Variants in RGS7BP observed in about 807,000 individuals in gnomAD.
RGS7BP encodes the protein regulator of G protein signaling 7-binding protein.
In RGS7BP, 9 loss-of-function variants were observed where a neutral mutation model predicts 31.3. The observed-to-expected ratio is 0.29, with a 90% confidence interval of 0.17 to 0.50. The LOEUF is 0.50. RGS7BP is among the 20% of genes least tolerant of loss of function. The pLI is 0.98. For missense variants in RGS7BP, 274 were observed against 322.0 expected (o/e 0.85, Z 1.14); for synonymous variants, 115 against 120.1 (o/e 0.96, Z 0.28).
intron 2 of RGS7BP, among the ~76,000 whole-genome samples, chr5:64,553,940 T>C (rs936156372): frequency 1.4e-4 from 22 of 152,196 alleles, no homozygotes; most frequent in African/African-American, 5.1e-4. Flanking sequence ...ATGGCTTCCC[T>C]GAGGGAGTTC....
At chr5:64,572,355 G>C (rs554803135) in intron 2 of RGS7BP, among the ~76,000 whole-genome samples, 1 of 152,152 alleles carries the variant, frequency 6.6e-6, no homozygotes, top group African/African-American at 2.4e-5. Flanking sequence ...TATAACATCA[G>C]ACATATTATA....
chr5:64,512,953 T>C (rs528581950), intron 2 of RGS7BP, among the ~76,000 whole-genome samples: 24 of 152,246 alleles, frequency 1.6e-4, no homozygotes, highest in Non-Finnish European at 2.8e-4. Context: ...ATAGGCTATA[T>C]GTCATTGGAC....
chr5:64,604,913 T>A (rs1743315082), intron 5 of RGS7BP, among the ~76,000 whole-genome samples: 1 of 152,110 alleles, frequency 6.6e-6, no homozygotes, highest in Admixed American at 6.6e-5. Context: ...CTTATTCCTA[T>A]AATCCCAGCA....
rs1743477726 is a variant in RGS7BP, at chr5:64,610,586, A to G, written c.*1334A>G. ...GATGCCGATAAGTGGTTTATCCAAG[A>G]CACATCTTTAGTCCCAACCCTGTTC... On this transcript the variant is annotated 3_prime_UTR_variant, in exon 6 of 6. Transcript: ENST00000334025. The G allele has an allele frequency of 6.6e-6, 1 of 151,980 alleles. No individual in the cohort carries two copies. Among genetic ancestry groups the G allele is most frequent in the Non-Finnish European group, 1.5e-5 (1 of 67,926 alleles). 9.4% of individuals were successfully genotyped at this position (151,980 alleles called of 1,614,324 possible). A position where few individuals can be genotyped will look rare whatever the true frequency, so the allele number is the denominator to read the frequency against.
At chr5:64,584,200 G>A (rs1742681427) in intron 3 of RGS7BP, among the ~76,000 whole-genome samples, 1 of 152,138 alleles carries the variant, frequency 6.6e-6, no homozygotes, top group African/African-American at 2.4e-5. Flanking sequence ...AATGATTAGT[G>A]AGCATATTTC....
intron 2 of RGS7BP, among the ~76,000 whole-genome samples, chr5:64,523,251 C>T (rs1749153127): frequency 6.6e-6 from 1 of 152,138 alleles, no homozygotes; most frequent in Non-Finnish European, 1.5e-5. Context: ...GGGGTGAGCC[C>T]GTGCCCCTGG....
intron 2 of RGS7BP, among the ~76,000 whole-genome samples, chr5:64,522,066 G>A (rs931858893): frequency 6.6e-6 from 1 of 152,170 alleles, no homozygotes; most frequent in Non-Finnish European, 1.5e-5. Context: ...GGCCAGTGTA[G>A]AAAGACCTCC....
chr5:64,534,814 G>T (rs1749463879), intron 2 of RGS7BP, among the ~76,000 whole-genome samples: 1 of 152,206 alleles, frequency 6.6e-6, no homozygotes, highest in Non-Finnish European at 1.5e-5. Flanking sequence ...CTGGCATAGA[G>T]GTGGTATTTA....
chr5:64,535,456 G>C (rs1749480683), intron 2 of RGS7BP, among the ~76,000 whole-genome samples: 2 of 152,100 alleles, frequency 1.3e-5, no homozygotes, highest in South Asian at 4.1e-4. Context: ...CCCCATGCAG[G>C]AATAACTTCT....
At chr5:64,521,419 G>C (rs1749104939) in intron 2 of RGS7BP, among the ~76,000 whole-genome samples, 1 of 152,128 alleles carries the variant, frequency 6.6e-6, no homozygotes, top group Admixed American at 6.5e-5. Context: ...ACCACACCCA[G>C]CTAATTTTTG....
chr5:64,535,010 T>C (rs566274058), intron 2 of RGS7BP, among the ~76,000 whole-genome samples: 3 of 152,166 alleles, frequency 2.0e-5, no homozygotes, highest in East Asian at 3.9e-4. Flanking sequence ...AAAAACTGTC[T>C]CAGATGGAAG....
chr5:64,599,604 GC>G (rs1743168947), intron 5 of RGS7BP, among the ~76,000 whole-genome samples: 2 of 152,362 alleles, frequency 1.3e-5, no homozygotes, highest in South Asian at 4.1e-4. Flanking sequence ...CCCTGAAGGG[GC>G]CTGGTCACAA....
chr5:64,594,347 C>G (rs748788365), intron 3 of RGS7BP, among the ~76,000 whole-genome samples: 13 of 152,072 alleles, frequency 8.5e-5, no homozygotes, highest in Non-Finnish European at 1.6e-4. Flanking sequence ...ATCTAAGCAC[C>G]AAAAGCCAGT....
chr5:64,521,686 C>G (rs1046419578), intron 2 of RGS7BP, among the ~76,000 whole-genome samples: 1 of 152,166 alleles, frequency 6.6e-6, no homozygotes, highest in African/African-American at 2.4e-5. Context: ...ACCATTTTCC[C>G]TTACCCTCGC....
At chr5:64,561,870 C>T (rs1742064468) in intron 2 of RGS7BP, among the ~76,000 whole-genome samples, 1 of 152,096 alleles carries the variant, frequency 6.6e-6, no homozygotes. Context: ...GAGCTATTTC[C>T]GTTCTTGAGC....
intron 2 of RGS7BP, among the ~76,000 whole-genome samples, chr5:64,545,048 C>T (rs1180441101): frequency 6.6e-6 from 1 of 151,576 alleles, no homozygotes; most frequent in Non-Finnish European, 1.5e-5. Flanking sequence ...TGGTGGTGGG[C>T]ACCTGTAGTC....
chr5:64,575,972 T>C (rs1323414071), intron 3 of RGS7BP, 68 bp downstream of exon 3: 6 of 1,437,036 alleles, frequency 4.2e-6, no homozygotes, highest in Non-Finnish European at 5.7e-6. Context: ...TGGCAAAGTG[T>C]CCGTATATAC....
chr5:64,582,020 G>A (rs1742613133), intron 3 of RGS7BP, among the ~76,000 whole-genome samples: 1 of 152,164 alleles, frequency 6.6e-6, no homozygotes, highest in South Asian at 2.1e-4. Context: ...GGTGACAGAT[G>A]GGAATAATTT....
intron 2 of RGS7BP, among the ~76,000 whole-genome samples, chr5:64,569,709 G>C (rs1005062322): frequency 6.6e-6 from 1 of 152,144 alleles, no homozygotes; most frequent in African/African-American, 2.4e-5. Context: ...CTGTCACTGA[G>C]GTTGGCACTG....
Sources: allele counts gnomAD v4.1 joint callset (sites outside exome capture counted in the v4.1 genomes callset), GRCh38; gene constraint gnomAD v4.1.1; transcripts MANE v1.5; gene names NCBI Gene and HGNC (gene_info 2026-07-23, HGNC 2026-07-21).